The following SCOC variants were observed in gnomAD, a reference collection of about 807,000 sequenced individuals.
SCOC encodes short coiled coil protein.
SCOC carries 7 observed loss-of-function variants against 9.9 expected under a neutral mutation model. That is an observed-to-expected ratio of 0.71 (90% CI 0.40 to 1.33). The LOEUF (loss-of-function observed/expected upper bound fraction) is 1.33, where lower values mean the gene tolerates loss of function less well. Among genes scored for constraint, SCOC ranks in the 40% most tolerant of loss-of-function variants. The pLI, the probability that SCOC is intolerant of heterozygous loss-of-function variation, is 0.01. For synonymous variants in SCOC, 19 were observed against 28.2 expected (o/e 0.67, Z 1.03); for missense variants, 66 against 89.7 (o/e 0.74, Z 1.07).
In SCOC at chr4:140,381,245, C is replaced by A; in HGVS notation, c.*141C>A. ...ATGTCAGATGTAGACAAAAATAACACAATAACAGGAGACTTCCATAAGTTT... is the reference window on the plus strand; with the variant it reads ...ATGTCAGATGTAGACAAAAATAACAAAATAACAGGAGACTTCCATAAGTTT... On this transcript the variant is annotated 3_prime_UTR_variant, in exon 4 of 4. Coordinates refer to ENST00000608372, the MANE Select transcript of SCOC (RefSeq NM_001153484.2). 1 of 743,436 alleles carries A rather than the reference C, an allele frequency of 1.3e-6. No individual in the cohort carries two copies. The highest frequency in any genetic ancestry group is 2.1e-6 in the Non-Finnish European group (1 of 479,086). 46.1% of individuals were successfully genotyped at this position (743,436 alleles called of 1,614,324 possible). A position where few individuals can be genotyped will look rare whatever the true frequency, so the allele number is the denominator to read the frequency against.
At chr4:140,270,391 T>C (rs1043593587) in intron 1 of SCOC, among the ~76,000 whole-genome samples, 3 of 152,142 alleles carry the variant, frequency 2.0e-5, no homozygotes, top group Non-Finnish European at 4.4e-5. Context: ...TAGAATGCAG[T>C]GACACAATCA....
At chr4:140,374,394 A>T (rs935184654) in intron 1 of SCOC, 4 of 315,354 alleles carry the variant, frequency 1.3e-5, no homozygotes, top group African/African-American at 9.1e-5. Context: ...CAGGTTGCCA[A>T]CACGTTTTCT....
At chr4:140,315,586 A>T (rs1239630064) in intron 1 of SCOC, among the ~76,000 whole-genome samples, 1 of 152,216 alleles carries the variant, frequency 6.6e-6, no homozygotes, top group African/African-American at 2.4e-5. Context: ...TTATTCTATT[A>T]GTAGGTCCAA....
chr4:140,357,231 C>T (rs1193474235), intron 2 of SCOC, among the ~76,000 whole-genome samples: 1 of 152,176 alleles, frequency 6.6e-6, no homozygotes, highest in Non-Finnish European at 1.5e-5. Flanking sequence ...GCCTCAGCCT[C>T]CCAAAGTGCT....
intron 1 of SCOC, among the ~76,000 whole-genome samples, chr4:140,275,910 G>GCC (rs1560678015): frequency 7.0e-6 from 1 of 143,654 alleles, no homozygotes; most frequent in African/African-American, 2.6e-5. Flanking sequence ...TGCAACCTAT[G>GCC]CCTCCCAGGT....
chr4:140,293,900 G>C (rs1211657539), intron 1 of SCOC, among the ~76,000 whole-genome samples: 1 of 152,188 alleles, frequency 6.6e-6, no homozygotes, highest in Non-Finnish European at 1.5e-5. Flanking sequence ...GAAAGTAAGG[G>C]GAAGTTGTCC....
upstream of SCOC, among the ~76,000 whole-genome samples, chr4:140,340,124 A>C (rs1447799355): frequency 6.6e-6 from 1 of 152,250 alleles, no homozygotes; most frequent in Non-Finnish European, 1.5e-5. Flanking sequence ...TGCAGCCATA[A>C]AAATGATGAG....
intron 1 of SCOC, among the ~76,000 whole-genome samples, chr4:140,338,173 T>C (rs1253336734): frequency 1.3e-5 from 2 of 151,986 alleles, no homozygotes; most frequent in African/African-American, 4.8e-5. Context: ...TAATCCATCA[T>C]ATAAACAGAA....
chr4:140,374,020 G>C (rs1560729225), intron 1 of SCOC: 1 of 571,842 alleles, frequency 1.7e-6, no homozygotes, highest in Non-Finnish European at 3.3e-6. Flanking sequence ...TCCTGGGTCG[G>C]GAGCCGCTTT....
At chr4:140,273,706 A>AAG (rs1442417341) in intron 1 of SCOC, among the ~76,000 whole-genome samples, 1 of 152,180 alleles carries the variant, frequency 6.6e-6, no homozygotes, top group Non-Finnish European at 1.5e-5. Flanking sequence ...CATGGTTTTA[A>AAG]AGAGATTATT....
chr4:140,263,606 GGAGAGGTGA>G (rs1461246721), intron 1 of SCOC, among the ~76,000 whole-genome samples: 7 of 152,322 alleles, frequency 4.6e-5, no homozygotes, highest in East Asian at 1.9e-4. Context: ...GGTGAGGTGA[GGAGAGGTGA>G]GAGAGGTGAG....
intron 3 of SCOC, 149 bp downstream of exon 3, chr4:140,379,801 T>C (rs1031264223): frequency 2.2e-4 from 134 of 605,874 alleles, no homozygotes; most frequent in Non-Finnish European, 3.7e-4. Flanking sequence ...TCTTCCTGCT[T>C]TGGTAGTTTA....
chr4:140,281,289 G>C (rs1259521418), intron 1 of SCOC, among the ~76,000 whole-genome samples: 1 of 151,606 alleles, frequency 6.6e-6, no homozygotes, highest in Admixed American at 6.6e-5. Context: ...AGAGAGGCCA[G>C]GAATTTTACG....
At chr4:140,337,789 T>C (rs1003893931) in intron 1 of SCOC, among the ~76,000 whole-genome samples, 1 of 152,150 alleles carries the variant, frequency 6.6e-6, no homozygotes, top group Admixed American at 6.6e-5. Flanking sequence ...TAACAGGCTC[T>C]GAAATTGAGA....
At chr4:140,290,476 T>A (rs552061644) in intron 1 of SCOC, among the ~76,000 whole-genome samples, 7 of 152,318 alleles carry the variant, frequency 4.6e-5, no homozygotes, top group African/African-American at 7.2e-5. Flanking sequence ...TACAATAGAC[T>A]ACTGCTGAGC....
In SCOC at chr4:140,373,665, C is replaced by CCGG. The variant is rs1439384044; in HGVS notation, c.-101_-99dup. ...GCCGGGGTCAGTTGGTCCAAGTGTC[C>CCGG]CGGCCTGAGGTGTCGGCCGGATCCC... On this transcript the variant is annotated 5_prime_UTR_variant, in exon 1 of 4. Coordinates refer to ENST00000608372, the MANE Select transcript of SCOC (RefSeq NM_001153484.2). The CCGG allele has an allele frequency of 6.4e-7, 1 of 1,551,162 alleles. No individual in the cohort carries two copies. The highest frequency in any genetic ancestry group is 8.7e-7 in the Non-Finnish European group (1 of 1,146,974).
At chr4:140,267,684 G>A (rs1228207376) in intron 1 of SCOC, among the ~76,000 whole-genome samples, 5 of 152,066 alleles carry the variant, frequency 3.3e-5, no homozygotes, top group Admixed American at 6.5e-5. Flanking sequence ...ACCCAGTGAC[G>A]TGGAGACTCC....
intron 1 of SCOC, among the ~76,000 whole-genome samples, chr4:140,325,459 GTCTC>G (rs1732617769): frequency 6.6e-6 from 1 of 152,044 alleles, no homozygotes; most frequent in Admixed American, 6.6e-5. Flanking sequence ...TATATAATAT[GTCTC>G]TCTCTATATA....
chr4:140,267,602 C>T (rs1408828316), intron 1 of SCOC, among the ~76,000 whole-genome samples: 1 of 152,106 alleles, frequency 6.6e-6, no homozygotes. Flanking sequence ...GAGGCCTTCT[C>T]CCCTCCTTCC....
Sources: gnomAD v4.1 joint callset for allele counts (sites outside exome capture counted in the v4.1 genomes callset) on GRCh38, gnomAD v4.1.1 for gene constraint, MANE v1.5 for transcripts, NCBI Gene and HGNC (gene_info 2026-07-23, HGNC 2026-07-21) for gene names.